Variants in PIRT observed in about 807,000 individuals in gnomAD.
The protein encoded by PIRT is phosphoinositide interacting regulator of transient receptor potential channels.
A neutral mutation model predicts 7.9 loss-of-function variants in PIRT; 6 were observed. The ratio of observed to expected loss-of-function variants is 0.76; its 90% CI spans 0.42 to 1.51. The LOEUF (loss-of-function observed/expected upper bound fraction) is 1.51, where lower values mean the gene tolerates loss of function less well. Among genes scored for constraint, PIRT ranks in the 40% most tolerant of loss-of-function variants. The pLI, the probability that PIRT is intolerant of heterozygous loss-of-function variation, is 0.01. For synonymous variants in PIRT, 78 were observed against 71.8 expected, an observed-to-expected ratio of 1.09 and a Z score of -0.44; for missense variants, 170 against 172.9, an observed-to-expected ratio of 0.98 and a Z score of 0.09.
chr17:10,825,164 A>G lies in PIRT; in HGVS notation c.*68T>C. Reference sequence around the variant, plus strand: ...TTTTATGGCACCCCACAGAGGAGACAGGGATGTCGGATGTTGGTCATCAGA... The same window carrying G: ...TTTTATGGCACCCCACAGAGGAGACGGGGATGTCGGATGTTGGTCATCAGA... On this transcript the variant is annotated 3_prime_UTR_variant, in exon 2 of 2. Transcript: ENST00000580256. The G allele has an allele frequency of 6.5e-7, 1 of 1,547,064 alleles. No individual in the cohort carries two copies. The highest frequency in any genetic ancestry group is 8.8e-7 in the Non-Finnish European group (1 of 1,137,212).
rs928217354 is a variant in PIRT, at chr17:10,823,503, A to C, written c.*1729T>G. On this transcript the variant is annotated 3_prime_UTR_variant, in exon 2 of 2. Transcript: ENST00000580256. Reference sequence around the variant, plus strand: ...TATGGAACTGCCATGCAGGATGGGGATATCTGGAGGGCCATGGTGACTGGG... The same window carrying C: ...TATGGAACTGCCATGCAGGATGGGGCTATCTGGAGGGCCATGGTGACTGGG... The C allele has an allele frequency of 1.3e-5, 2 of 152,260 alleles. No individual in the cohort carries two copies. The highest frequency in any genetic ancestry group is 4.8e-5 in the African/African-American group (2 of 41,434). The allele number at this position is 152,260 out of a possible 1,614,324, so 9.4% of individuals were successfully genotyped here.
At chr17:10,825,954 TTTTG>T (rs1905304206) in intron 1 of PIRT, among the ~76,000 whole-genome samples, 171 bp from the exon 2 acceptor site, 1 of 152,022 alleles carries the variant, frequency 6.6e-6, no homozygotes, top group African/African-American at 2.4e-5. Flanking sequence ...AGTTATAGTT[TTTTG>T]TTTGTTTGCT....
Position 10,825,063 on chromosome 17 carries a change from T to A in PIRT, c.*169A>T, listed in dbSNP as rs1905278876. The A allele has an allele frequency of 1.2e-6, 1 of 856,674 alleles. No homozygotes were observed. The highest frequency in any genetic ancestry group is 2.9e-5 in the Admixed American group (1 of 34,744). The allele number at this position is 856,674 out of a possible 1,614,324, so 53.1% of individuals were successfully genotyped here. On this transcript the variant is annotated 3_prime_UTR_variant, in exon 2 of 2. Transcript: ENST00000580256. The stretch of plus-strand genomic sequence containing the variant: ...GATCAAGTGGATACATCTGGCAACA[T>A]TCCCGGCTGCATGGAGGGTGGAGCC...
In PIRT at chr17:10,823,849, G is replaced by C. The variant is rs1490552114; in HGVS notation, c.*1383C>G. On this transcript the variant is annotated 3_prime_UTR_variant, in exon 2 of 2. Coordinates refer to ENST00000580256, the MANE Select transcript of PIRT (RefSeq NM_001101387.2). ...GCTGCGCTAGGCACTTGGTGAAGAG[G>C]TGGGAAGCCGGGAAAGAGAGGGATG... 2.6e-5 allele frequency: 4 copies of C among 152,228 alleles called. No homozygotes were observed. Among genetic ancestry groups the C allele is most frequent in the Admixed American group, 2.6e-4 (4 of 15,278 alleles). The allele number at this position is 152,228 out of a possible 1,614,324, so 9.4% of individuals were successfully genotyped here.
intron 1 of PIRT, among the ~76,000 whole-genome samples, chr17:10,835,578 G>T (rs1905568445): frequency 6.6e-6 from 1 of 152,234 alleles, no homozygotes; most frequent in Non-Finnish European, 1.5e-5. Flanking sequence ...AAGTGGGGAG[G>T]ATGCCCAAAG....
In PIRT at chr17:10,836,940, G is replaced by C. The variant is rs74417631; in HGVS notation, c.-139+1005C>G. Among the ~76,000 whole-genome samples, 327 of 152,224 alleles carry C rather than the reference G, an allele frequency of 2.1e-3. 2 individuals are homozygous for C. The highest frequency in any genetic ancestry group is 7.8e-3 in the African/African-American group (322 of 41,548). The stretch of plus-strand genomic sequence containing the variant: ...CCAGCTTGCCAGTGGTCATCCCCAC[G>C]GTCCCTTATCTTCTCTGGCGGTGCT... On this transcript the variant is annotated intron_variant, in intron 1 of 1. Transcript: ENST00000580256.
intron 1 of PIRT, among the ~76,000 whole-genome samples, chr17:10,830,193 G>A (rs1209085226): frequency 6.6e-6 from 1 of 152,104 alleles, no homozygotes; most frequent in Non-Finnish European, 1.5e-5. Context: ...TCCCTCCCAC[G>A]CTACTCTCTG....
intron 1 of PIRT, among the ~76,000 whole-genome samples, chr17:10,833,326 T>C (rs1221605166): frequency 1.3e-5 from 2 of 151,964 alleles, no homozygotes; most frequent in Non-Finnish European, 2.9e-5. Context: ...ATAGATTTTG[T>C]AGACAAGATA....
chr17:10,829,850 C>T (rs1258880419), intron 1 of PIRT, among the ~76,000 whole-genome samples: 1 of 152,092 alleles, frequency 6.6e-6, no homozygotes, highest in Non-Finnish European at 1.5e-5. Context: ...GGAGTGGAGT[C>T]CTTCCTTGGC....
chr17:10,824,250 G>A lies in PIRT; in HGVS notation c.*982C>T, dbSNP rs1224318763. On this transcript the variant is annotated 3_prime_UTR_variant, in exon 2 of 2. Coordinates refer to ENST00000580256, the MANE Select transcript of PIRT (RefSeq NM_001101387.2). ...ATAAATGTTGGCTTTTTTGGTGGGTGGGGGCAGGGATAACAGAAGTTGGAA... is the reference window on the plus strand; with the variant it reads ...ATAAATGTTGGCTTTTTTGGTGGGTAGGGGCAGGGATAACAGAAGTTGGAA... 6.6e-6 allele frequency: 1 copy of A among 152,208 alleles called. No individual in the cohort carries two copies. The highest frequency in any genetic ancestry group is 2.4e-5 in the African/African-American group (1 of 41,448). 9.4% of individuals were successfully genotyped at this position (152,208 alleles called of 1,614,324 possible).
At position 10,832,386 on chromosome 17, in the gene PIRT, T is replaced by G. The variant is rs377598739; in HGVS notation, c.-139+5559A>C. On this transcript the variant is annotated intron_variant, in intron 1 of 1. Coordinates refer to ENST00000580256, the MANE Select transcript of PIRT (RefSeq NM_001101387.2). ...TTTGTATTTTTTAGTAGAGATGGGGTTTCTCTATGTTGGTCAGGCTGGTCT... is the reference window on the plus strand; with the variant it reads ...TTTGTATTTTTTAGTAGAGATGGGGGTTCTCTATGTTGGTCAGGCTGGTCT... Among the ~76,000 whole-genome samples the G allele has an allele frequency of 1.3e-4, 20 of 151,888 alleles. No homozygotes were observed. The East Asian group carries it at 2.5e-3, about 19-fold the overall frequency.
rs572742466 is a variant in PIRT at position 10,834,899 on chromosome 17, T to G, written c.-139+3046A>C. On this transcript the variant is annotated intron_variant, in intron 1 of 1. Transcript: ENST00000580256. ...GCCACTGCGCCCAGCGTTGTTTGTT[T>G]TTTTTTTTTTTTTAACTACAGAAGG... 1.1e-4 allele frequency among the ~76,000 whole-genome samples: 12 copies of G among 110,460 alleles called. No homozygotes were observed. In the South Asian group the frequency reaches 1.3e-3, roughly 12 times the overall value. 72.5% of individuals were successfully genotyped at this position (110,460 alleles called of 152,430 possible). A position where few individuals can be genotyped will look rare whatever the true frequency, so the allele number is the denominator to read the frequency against.
At chr17:10,831,951 G>A (rs1905472404) in intron 1 of PIRT, among the ~76,000 whole-genome samples, 1 of 152,162 alleles carries the variant, frequency 6.6e-6, no homozygotes, top group Non-Finnish European at 1.5e-5. Context: ...TTAGTGGGTG[G>A]GGACTTAATT....
intron 1 of PIRT, among the ~76,000 whole-genome samples, chr17:10,829,180 T>C (rs1597587909): frequency 6.6e-6 from 1 of 152,164 alleles, no homozygotes; most frequent in Admixed American, 6.5e-5. Context: ...GTCATTTCGA[T>C]CCCGTTTCCG....
At chr17:10,831,089 A>G (rs1243360089) in intron 1 of PIRT, among the ~76,000 whole-genome samples, 4 of 152,098 alleles carry the variant, frequency 2.6e-5, no homozygotes, top group Non-Finnish European at 5.9e-5. Flanking sequence ...GGGCTTCCTC[A>G]TCTTCTACCC....
At chr17:10,827,004 G>A (rs1001833595) in intron 1 of PIRT, among the ~76,000 whole-genome samples, 2 of 152,056 alleles carry the variant, frequency 1.3e-5, no homozygotes, top group African/African-American at 4.8e-5. Flanking sequence ...TAGAGATGGG[G>A]TTTCTCCATA....
intron 1 of PIRT, among the ~76,000 whole-genome samples, chr17:10,828,349 A>AGACCTTGGCCTCTG (rs1341230316): frequency 6.6e-6 from 1 of 152,142 alleles, no homozygotes; most frequent in African/African-American, 2.4e-5. Flanking sequence ...ATGAAGAAGG[A>AGACCTTGGCCTCTG]GACCTTGGCC....
At chr17:10,830,488 G>A (rs2079482544) in intron 1 of PIRT, among the ~76,000 whole-genome samples, 1 of 152,144 alleles carries the variant, frequency 6.6e-6, no homozygotes, top group African/African-American at 2.4e-5. Flanking sequence ...CAGGGATAAT[G>A]GAGTGTCTAC....
At chr17:10,834,473 C>CT (rs1225397226) in intron 1 of PIRT, among the ~76,000 whole-genome samples, 4 of 152,178 alleles carry the variant, frequency 2.6e-5, no homozygotes, top group African/African-American at 9.7e-5. Flanking sequence ...GAGGAACCAA[C>CT]TGGAATATAC....
Sources: gnomAD v4.1 joint callset for allele counts (sites outside exome capture counted in the v4.1 genomes callset) on GRCh38, gnomAD v4.1.1 for gene constraint, MANE v1.5 for transcripts, NCBI Gene and HGNC (gene_info 2026-07-23, HGNC 2026-07-21) for gene names.